Variants in SH3TC1 observed in about 807,000 individuals in gnomAD.
SH3TC1 encodes the protein SH3 domain and tetratricopeptide repeat-containing protein 1.
Under a neutral mutation model 117.3 loss-of-function variants are expected in SH3TC1, and 135 were observed. The observed-to-expected ratio is 1.15, with a 90% CI of 1.00 to 1.33. The LOEUF (loss-of-function observed/expected upper bound fraction) is 1.33. Ranked by LOEUF, SH3TC1 falls within the 40% of genes most tolerant of loss-of-function variation. The pLI, the probability that SH3TC1 is intolerant of heterozygous loss-of-function variation, is 0.00. For missense variants in SH3TC1, 2,092 were observed against 1,794.3 expected (o/e 1.17, Z -3.00); for synonymous variants, 898 against 816.9 (o/e 1.10, Z -1.69).
intron 1 of SH3TC1, among the ~76,000 whole-genome samples, chr4:8,200,857 C>G (rs528443249): frequency 6.6e-6 from 1 of 152,340 alleles, no homozygotes; most frequent in East Asian, 1.9e-4. Context: ...GGTCACATGG[C>G]CTCCTGCCCG....
intron 15 of SH3TC1, chr4:8,236,058 G>A (rs1021696167): frequency 7.1e-6 from 4 of 560,988 alleles, no homozygotes; most frequent in Non-Finnish European, 9.1e-6. Flanking sequence ...GGCGGGAGGG[G>A]CTGGTTTGAG....
intron 1 of SH3TC1, among the ~76,000 whole-genome samples, chr4:8,182,863 C>T (rs1218391077): frequency 1.3e-5 from 2 of 152,204 alleles, no homozygotes; most frequent in East Asian, 3.8e-4. Context: ...TGGCTCTCTG[C>T]ATCTCCGAAG....
At chr4:8,215,983 G>A (rs1308587966) in intron 5 of SH3TC1, 128 bp from the exon 6 acceptor site, 7 of 1,170,178 alleles carry the variant, frequency 6.0e-6, no homozygotes, top group Middle Eastern at 2.9e-4. Context: ...CCCAGGGCAG[G>A]TGGGTGTCTT....
intron 12 of SH3TC1, among the ~76,000 whole-genome samples, chr4:8,230,082 A>G (rs542603203): frequency 4.6e-5 from 7 of 150,656 alleles, no homozygotes; most frequent in African/African-American, 1.7e-4. Flanking sequence ...GAGAAGACCG[A>G]GGGTGGGGCT....
chr4:8,191,671 G>A (rs552280471), intron 1 of SH3TC1, among the ~76,000 whole-genome samples: 80 of 152,282 alleles, frequency 5.3e-4, no homozygotes, highest in African/African-American at 1.8e-3. Flanking sequence ...GGATACACCC[G>A]TCCTCAAACT....
intron 16 of SH3TC1, 78 bp downstream of exon 16, chr4:8,236,506 C>T (rs1274951884): frequency 1.1e-5 from 16 of 1,403,396 alleles, no homozygotes; most frequent in South Asian, 3.1e-5. Context: ...GGGCAGGAGC[C>T]GAAACAGCTG....
chr4:8,234,266 C>T (rs1379654577), intron 14 of SH3TC1, among the ~76,000 whole-genome samples: 1 of 151,252 alleles, frequency 6.6e-6, no homozygotes, highest in African/African-American at 2.4e-5. Context: ...TGTTTGTCCA[C>T]CCATCCATTT....
chr4:8,217,397 G>A (rs1233025811), intron 7 of SH3TC1, among the ~76,000 whole-genome samples: 2 of 152,246 alleles, frequency 1.3e-5, no homozygotes, highest in African/African-American at 2.4e-5. Context: ...ACTTGGCAGG[G>A]CTATCCTGGG....
chr4:8,222,421 T>G (rs1720021927), intron 9 of SH3TC1, among the ~76,000 whole-genome samples: 1 of 126,552 alleles, frequency 7.9e-6, no homozygotes, highest in Non-Finnish European at 1.6e-5. Context: ...TCACCCAGGC[T>G]GGAGTGCAGT....
At chr4:8,208,373 T>TC (rs1196729922) in intron 2 of SH3TC1, among the ~76,000 whole-genome samples, 10 of 149,016 alleles carry the variant, frequency 6.7e-5, no homozygotes. Flanking sequence ...TTCTTTCTTT[T>TC]TTTTTATTTT....
intron 17 of SH3TC1, 148 bp downstream of exon 17, chr4:8,237,818 A>G (rs1721962804): frequency 1.1e-6 from 1 of 884,190 alleles, no homozygotes; most frequent in Non-Finnish European, 1.6e-6. Context: ...GGAGCTGGCA[A>G]GGTTAGCAGA....
chr4:8,228,705 G>A, intron 12 of SH3TC1, 61 bp downstream of exon 12: 1 of 1,294,458 alleles, frequency 7.7e-7, no homozygotes, highest in Non-Finnish European at 1.0e-6. Flanking sequence ...GCACACCTGG[G>A]GTTTGTGATT....
In SH3TC1 at chr4:8,219,483, G is replaced by A. The variant is rs762914691; in HGVS notation, c.1065G>A (p.Val355=). The change falls in exon 9 of 18, where the codon GTG becomes GTA. Residue 355 remains valine, a synonymous_variant. Transcript: ENST00000245105. Reference sequence around the variant, plus strand: ...GCCGACACGCAGCCTCGGGCCGGGTGGGGTTTGTGCGGAGCAGCCTCATCA... The same window carrying A: ...GCCGACACGCAGCCTCGGGCCGGGTAGGGTTTGTGCGGAGCAGCCTCATCA... ...CVGRHAASGR[V]GFVRSSLISM... The A allele has an allele frequency of 3.7e-6, 6 of 1,604,584 alleles. No individual in the cohort carries two copies. Among genetic ancestry groups the A allele is most frequent in the Non-Finnish European group, 5.1e-6 (6 of 1,173,890 alleles).
At position 8,228,199 on chromosome 4, in the gene SH3TC1, C is replaced by A; in HGVS notation, c.2505C>A (p.His835Gln). Residue 835 changes from histidine (H) to glutamine (Q), a missense_variant, in exon 12 of 18, where the codon CAC becomes CAA. Transcript: ENST00000245105. ...VDHLVALAWL[H>Q]VLHGQSPVAL... ...ACCTGGTGGCCCTGGCCTGGCTGCA[C>A]GTGCTTCATGGGCAGAGCCCGGTGG... 6.2e-7 allele frequency: 1 copy of A among 1,609,548 alleles called. No individual in the cohort carries two copies. The highest frequency in any genetic ancestry group is 8.5e-7 in the Non-Finnish European group (1 of 1,177,720).
chr4:8,233,650 C>G, intron 14 of SH3TC1, 137 bp downstream of exon 14: 3 of 1,097,530 alleles, frequency 2.7e-6, no homozygotes, highest in Non-Finnish European at 3.7e-6. Context: ...ATCCATCCAT[C>G]CTTCCATCAT....
intron 14 of SH3TC1, among the ~76,000 whole-genome samples, chr4:8,234,418 CTCCACCCATCCATCCATACATTA>C (rs1253597842): frequency 2.6e-5 from 4 of 151,932 alleles, no homozygotes; most frequent in African/African-American, 4.8e-5. Flanking sequence ...ATCATCCACC[CTCCACCCATCCATCCATACATTA>C]TCCACCCACC....
chr4:8,213,498 C>G (rs1678290), intron 4 of SH3TC1, among the ~76,000 whole-genome samples: 59 of 152,056 alleles, frequency 3.9e-4, no homozygotes, highest in African/African-American at 1.3e-3. Flanking sequence ...CTGCTCAACA[C>G]GTGGGGCTGT....
Position 8,232,186 on chromosome 4 carries a change from G to T in SH3TC1, c.3131+30G>T, listed in dbSNP as rs564398320. 3.8e-4 allele frequency: 163 copies of T among 424,732 alleles called. 1 individual carries two copies. In the East Asian group the frequency reaches 0.012, roughly 30 times the overall value. 26.3% of individuals were successfully genotyped at this position (424,732 alleles called of 1,614,324 possible). A position where few individuals can be genotyped will look rare whatever the true frequency, so the allele number is the denominator to read the frequency against. On this transcript the variant is annotated intron_variant, in intron 13 of 17. Coordinates refer to ENST00000245105, the MANE Select transcript of SH3TC1 (RefSeq NM_018986.5). ...GGGCTGGCTCTGTGGTGGTGGGGGC[G>T]GGGGGAGGGGGCAAAGGGGGCGGCG...
chr4:8,201,916 C>A (rs1717866149), intron 1 of SH3TC1, among the ~76,000 whole-genome samples: 1 of 152,156 alleles, frequency 6.6e-6, no homozygotes, highest in Admixed American at 6.5e-5. Context: ...GGGACTCCTG[C>A]TCTGCCTATA....
Sources: gnomAD v4.1 joint callset for allele counts (sites outside exome capture counted in the v4.1 genomes callset) on GRCh38, gnomAD v4.1.1 for gene constraint, MANE v1.5 for transcripts, NCBI Gene and HGNC (gene_info 2026-07-23, HGNC 2026-07-21) for gene names.